Variants in AIG1 observed in about 807,000 individuals in gnomAD.
The protein encoded by AIG1 is androgen induced 1, also known as androgen-induced gene 1 protein.
In AIG1, 23 loss-of-function variants were observed where a neutral mutation model predicts 31.4. The observed-to-expected ratio is 0.73, with a 90% CI of 0.53 to 1.04. The LOEUF (loss-of-function observed/expected upper bound fraction) is 1.04. Among genes scored for constraint, AIG1 ranks in the 50% least tolerant of loss-of-function variants. AIG1 has a pLI of 0.00. For missense variants in AIG1, 274 were observed against 295.0 expected (o/e 0.93, Z 0.52); for synonymous variants, 100 against 110.5 (o/e 0.90, Z 0.60).
At chr6:143,179,141 A>G (rs1693325916) in intron 3 of AIG1, among the ~76,000 whole-genome samples, 1 of 152,206 alleles carries the variant, frequency 6.6e-6, no homozygotes, top group South Asian at 2.1e-4. Context: ...GACCACTGTC[A>G]GGAGAGGGCT....
chr6:143,221,942 A>G (rs903603224), intron 3 of AIG1, among the ~76,000 whole-genome samples: 1 of 152,188 alleles, frequency 6.6e-6, no homozygotes, highest in African/African-American at 2.4e-5. Context: ...CGACAGGATG[A>G]TAAGGTAGAA....
intron 4 of AIG1, among the ~76,000 whole-genome samples, chr6:143,308,551 A>G (rs1774989038): frequency 6.6e-6 from 1 of 152,296 alleles, no homozygotes; most frequent in East Asian, 1.9e-4. Context: ...ATTTGAGTTC[A>G]TAGCAGCATG....
chr6:143,087,167 T>A (rs1778872993), intron 1 of AIG1, among the ~76,000 whole-genome samples: 3 of 152,236 alleles, frequency 2.0e-5, no homozygotes, highest in African/African-American at 7.2e-5. Flanking sequence ...GGTCTCATAT[T>A]ACTCACCTCT....
At chr6:143,130,249 T>G (rs1229188807) in intron 1 of AIG1, among the ~76,000 whole-genome samples, 1 of 152,086 alleles carries the variant, frequency 6.6e-6, no homozygotes, top group Admixed American at 6.5e-5. Context: ...TTAAAAAAAA[T>G]TAAAGTTATC....
In AIG1 at chr6:143,084,125, A is replaced by G. The variant is rs571922277; in HGVS notation, c.141+23059A>G. 7.2e-5 allele frequency among the ~76,000 whole-genome samples: 11 copies of G among 152,284 alleles called. 1 individual carries two copies. The South Asian group carries it at 1.7e-3, about 23-fold the overall frequency. ...AAGGCCGCACCAGTGTCCAGGAGAC[A>G]GTTAACCTTCTGGCCCTCAATGGTC... On this transcript the variant is annotated intron_variant, in intron 1 of 5. Coordinates refer to ENST00000357847, the MANE Select transcript of AIG1 (RefSeq NM_016108.4).
chr6:143,121,529 C>T (rs1201259320), intron 1 of AIG1, among the ~76,000 whole-genome samples: 1 of 152,114 alleles, frequency 6.6e-6, no homozygotes, highest in Non-Finnish European at 1.5e-5. Flanking sequence ...TGTTTATCTA[C>T]AGACAGAATT....
intron 4 of AIG1, among the ~76,000 whole-genome samples, chr6:143,294,365 C>A (rs4896634): frequency 0.27 from 41,525 of 152,012 alleles, 7,342 homozygotes; most frequent in African/African-American, 0.5. Context: ...ACTCTCACAC[C>A]GCAAAGGCTT....
chr6:143,323,586 A>G (rs1440822025), intron 4 of AIG1, among the ~76,000 whole-genome samples: 1 of 152,144 alleles, frequency 6.6e-6, no homozygotes, highest in Non-Finnish European at 1.5e-5. Context: ...TGATGCATTA[A>G]TTTTTTGGCT....
At chr6:143,128,446 G>A (rs1782890550) in intron 1 of AIG1, among the ~76,000 whole-genome samples, 1 of 152,098 alleles carries the variant, frequency 6.6e-6, no homozygotes, top group Non-Finnish European at 1.5e-5. Flanking sequence ...ATATTTCTTG[G>A]AGAGACATGA....
At chr6:143,100,645 T>C (rs1186852625) in intron 1 of AIG1, among the ~76,000 whole-genome samples, 2 of 152,258 alleles carry the variant, frequency 1.3e-5, no homozygotes, top group South Asian at 2.1e-4. Context: ...CGTAAGATGC[T>C]AATGGAGAGA....
intron 1 of AIG1, among the ~76,000 whole-genome samples, chr6:143,062,962 TCAGCATCA>T (rs879802984): frequency 1.3e-5 from 2 of 152,132 alleles, no homozygotes; most frequent in Admixed American, 1.3e-4. Context: ...GAAACAGCCC[TCAGCATCA>T]CTCTTGCAGT....
rs934035037 is a variant in AIG1, at chr6:143,338,141, T to C, written c.680-1498T>C. ...GACTTTAAAAAGAAAAGCAAACTGC[T>C]CTTAGCCCCTGATAGCTTCTCCACA... On this transcript the variant is annotated intron_variant, in intron 5 of 5. Coordinates refer to ENST00000357847, the MANE Select transcript of AIG1 (RefSeq NM_016108.4). The surrounding 1 kb of genome is among the most constrained non-coding windows in gnomAD (Gnocchi z 4.3). 3 of 397,326 alleles carry C rather than the reference T, an allele frequency of 7.6e-6. No individual in the cohort carries two copies. Among genetic ancestry groups the C allele is most frequent in the Non-Finnish European group, 1.3e-5 (3 of 225,596 alleles). The allele number at this position is 397,326 out of a possible 1,614,324, so 24.6% of individuals were successfully genotyped here. A position where few individuals can be genotyped will look rare whatever the true frequency, so the allele number is the denominator to read the frequency against.
Position 143,284,241 on chromosome 6 carries a change from G to C in AIG1, c.515+16G>C. 1.3e-6 allele frequency: 2 copies of C among 1,570,474 alleles called. No homozygotes were observed. Among genetic ancestry groups the C allele is most frequent in the Non-Finnish European group, 1.7e-6 (2 of 1,143,432 alleles). On this transcript the variant is annotated intron_variant, in intron 4 of 5. Transcript: ENST00000357847. This position sits in a 1 kb window ranked among gnomAD's most constrained non-coding sequence, Gnocchi z 4.4. ...ATATATTATGGTAAGGACCATGCCT[G>C]CTGGGCTTTCTTATTGTATTAGATT...
intron 4 of AIG1, among the ~76,000 whole-genome samples, chr6:143,321,408 G>A (rs975815193): frequency 6.6e-6 from 1 of 151,794 alleles, no homozygotes; most frequent in African/African-American, 2.4e-5. Flanking sequence ...AGACCAGCCT[G>A]GCCAACATGG....
chr6:143,071,909 G>A lies in AIG1; in HGVS notation c.141+10843G>A, dbSNP rs576826126. Among the ~76,000 whole-genome samples the A allele has an allele frequency of 2.1e-3, 320 of 151,902 alleles. 3 individuals carry two copies. The highest frequency in any genetic ancestry group is 7.3e-3 in the African/African-American group (304 of 41,390). On this transcript the variant is annotated intron_variant, in intron 1 of 5. Coordinates refer to ENST00000357847, the MANE Select transcript of AIG1 (RefSeq NM_016108.4). ...GTTGATCCTCCTACCTCAGCCTCCCGAGTAGCTGGGACTATAGGCATGTGC... is the reference window on the plus strand; with the variant it reads ...GTTGATCCTCCTACCTCAGCCTCCCAAGTAGCTGGGACTATAGGCATGTGC...
chr6:143,107,534 TTCCTTC>T, intron 1 of AIG1, among the ~76,000 whole-genome samples: 1 of 152,158 alleles, frequency 6.6e-6, no homozygotes, highest in Admixed American at 6.6e-5. Flanking sequence ...AGAATAAAGC[TTCCTTC>T]ATAACTGCAA....
intron 1 of AIG1, among the ~76,000 whole-genome samples, chr6:143,091,338 G>A (rs1333789909): frequency 6.6e-6 from 1 of 152,184 alleles, no homozygotes; most frequent in Non-Finnish European, 1.5e-5. Flanking sequence ...GTAGAATGGT[G>A]AATCCTCTGG....
intron 3 of AIG1, among the ~76,000 whole-genome samples, chr6:143,190,824 C>A (rs1789725987): frequency 6.6e-6 from 1 of 152,148 alleles, no homozygotes; most frequent in East Asian, 1.9e-4. Flanking sequence ...AAACTCTTTT[C>A]CTTTAAAAGT....
At chr6:143,171,524 ATTT>A (rs1562454674) in intron 3 of AIG1, among the ~76,000 whole-genome samples, 22 of 129,666 alleles carry the variant, frequency 1.7e-4, no homozygotes, top group Admixed American at 5.4e-4. Flanking sequence ...TAATATATAT[ATTT>A]AATATATATA....
Sources: allele counts gnomAD v4.1 joint callset (sites outside exome capture counted in the v4.1 genomes callset), GRCh38; gene constraint gnomAD v4.1.1; non-coding constraint Gnocchi (gnomAD v3.1); transcripts MANE v1.5; gene names NCBI Gene and HGNC (gene_info 2026-07-23, HGNC 2026-07-21).